ANKRD30B: variants seen among roughly 807,000 people sequenced by gnomAD.
ANKRD30B encodes ankyrin repeat domain 30B.
In ANKRD30B, 144 loss-of-function variants were observed where a neutral mutation model predicts 202.2. That is an observed-to-expected ratio of 0.71 (90% CI 0.62 to 0.82). The LOEUF is 0.82. Ranked by LOEUF, ANKRD30B falls within the 40% of genes least tolerant of loss-of-function variation. The pLI, the probability that ANKRD30B is intolerant of heterozygous loss-of-function variation, is 0.00. For synonymous variants in ANKRD30B, 508 were observed against 561.3 expected (o/e 0.91, Z 1.34); for missense variants, 1,487 against 1,669.1 (o/e 0.89, Z 1.90).
chr18:14,822,434 C>T (rs762257703), intron 30 of ANKRD30B, 49 bp from the exon 31 acceptor site: 5 of 1,049,022 alleles, frequency 4.8e-6, no homozygotes, highest in Non-Finnish European at 5.8e-6. Context: ...GTTTGGTAGA[C>T]TTTGACAGGC....
chr18:14,818,340 A>C (rs1970224688), intron 30 of ANKRD30B, among the ~76,000 whole-genome samples: 1 of 152,090 alleles, frequency 6.6e-6, no homozygotes, highest in Non-Finnish European at 1.5e-5. Flanking sequence ...CTAATTTTTG[A>C]TACTTTCATA....
At chr18:14,885,851 C>A in the ANKRD30B span, among the ~76,000 whole-genome samples, 1 of 151,968 alleles carries the variant, frequency 6.6e-6, no homozygotes, top group South Asian at 2.1e-4. Context: ...TTGAAAGTAT[C>A]TTCTGTTTAC....
chr18:14,902,296 C>T, the ANKRD30B span, among the ~76,000 whole-genome samples: 1 of 152,098 alleles, frequency 6.6e-6, no homozygotes, highest in Non-Finnish European at 1.5e-5. Flanking sequence ...GTAAAGAATA[C>T]CATTTTCTGA....
the ANKRD30B span, among the ~76,000 whole-genome samples, chr18:14,866,309 G>C: frequency 6.6e-6 from 1 of 152,124 alleles, no homozygotes; most frequent in Non-Finnish European, 1.5e-5. Flanking sequence ...CAACAGAGAT[G>C]GCAGTGTGGC....
chr18:14,888,110 G>A, the ANKRD30B span, among the ~76,000 whole-genome samples: 1 of 151,880 alleles, frequency 6.6e-6, no homozygotes, highest in Non-Finnish European at 1.5e-5. Flanking sequence ...TTCTAATCCT[G>A]TACTTTTGTT....
chr18:14,768,392 C>G (rs762106301), intron 7 of ANKRD30B, among the ~76,000 whole-genome samples: 1 of 152,090 alleles, frequency 6.6e-6, no homozygotes, highest in Non-Finnish European at 1.5e-5. Flanking sequence ...TTGGGGCACT[C>G]TAGTACGTTA....
intron 39 of ANKRD30B, among the ~76,000 whole-genome samples, chr18:14,843,553 C>CTGTGTG (rs56044501): frequency 0.11 from 15,424 of 145,168 alleles, 1,015 homozygotes; most frequent in Admixed American, 0.21. Flanking sequence ...AGCTTACTTT[C>CTGTGTG]TGTGTGTGTG....
the ANKRD30B span, among the ~76,000 whole-genome samples, chr18:14,922,491 T>C: frequency 6.6e-6 from 1 of 151,492 alleles, no homozygotes; most frequent in Non-Finnish European, 1.5e-5. Flanking sequence ...CCATCTCTAC[T>C]AAAAATACAA....
In ANKRD30B at chr18:14,786,976, T is replaced by A; in HGVS notation, c.1673-63T>A. Reference sequence around the variant, plus strand: ...TCGTGAATGAAAGTAGACTTGTGTATGTTTTTAAAATTTATAGTAGAGAAA... The same window carrying A: ...TCGTGAATGAAAGTAGACTTGTGTAAGTTTTTAAAATTTATAGTAGAGAAA... On this transcript the variant is annotated intron_variant, in intron 14 of 43. Transcript: ENST00000690538. The A allele has an allele frequency of 2.7e-6, 4 of 1,500,518 alleles. No homozygotes were observed. The South Asian group carries it at 3.6e-5, about 14-fold the overall frequency. The allele number at this position is 1,500,518 out of a possible 1,614,324, so 93.0% of individuals were successfully genotyped here. A position where few individuals can be genotyped will look rare whatever the true frequency, so the allele number is the denominator to read the frequency against.
Position 14,748,541 on chromosome 18 carries a change from A to G in ANKRD30B, c.122A>G (p.Lys41Arg), listed in dbSNP as rs554156558. 1.3e-6 allele frequency: 2 copies of G among 1,554,978 alleles called. No homozygotes were observed. Among genetic ancestry groups the G allele is most frequent in the East Asian group, 2.4e-5 (1 of 41,260 alleles). Residue 41 changes from lysine to arginine, a missense_variant, in exon 1 of 44, where the codon AAG (lysine) becomes AGG (arginine). By Grantham distance (26) the Lys-to-Arg change is conservative. Around this residue, in one of 6 missense-constraint regions of ANKRD30B, gnomAD observed 889 missense variants for 841.4 expected, o/e 1.06. Transcript: ENST00000690538. Reference sequence around the variant, plus strand: ...ACCATCTACTTCGGGGATCTAGGGAAGATCCATACAGCTGCCTCCCGGGGC... The same window carrying G: ...ACCATCTACTTCGGGGATCTAGGGAGGATCCATACAGCTGCCTCCCGGGGC... ...YGTIYFGDLG[K>R]IHTAASRGQV...
chr18:14,916,740 T>C, the ANKRD30B span, among the ~76,000 whole-genome samples: 1 of 152,210 alleles, frequency 6.6e-6, no homozygotes, highest in Admixed American at 6.5e-5. Context: ...AATCAATATG[T>C]AATGTGAAGG....
chr18:14,797,677 T>C lies in ANKRD30B; in HGVS notation c.1944T>C (p.Asp648=). Residue 648 remains aspartate (D), a synonymous_variant, in exon 19 of 44, where the codon GAT becomes GAC. Coordinates refer to ENST00000690538, the MANE Select transcript of ANKRD30B (RefSeq NM_001367607.2). The stretch of plus-strand genomic sequence containing the variant: ...TTCTTTTAGAGTCTCCTGATAAAGA[T>C]GGTCTTCTGAAGGTAATAGCTTTTA... ...ETFKAESPDK[D]GLLKPTCGRK... is the part of the protein sequence containing the mutation. The C allele has an allele frequency of 6.2e-7, 1 of 1,609,048 alleles. No individual in the cohort carries two copies. Among genetic ancestry groups the C allele is most frequent in the Non-Finnish European group, 8.5e-7 (1 of 1,175,662 alleles).
chr18:14,795,873 T>G (rs1456287930), intron 16 of ANKRD30B, among the ~76,000 whole-genome samples: 5 of 150,386 alleles, frequency 3.3e-5, no homozygotes, highest in East Asian at 2.0e-4. Context: ...TTTTTGGCGG[T>G]GGGTCATGAC....
At chr18:14,826,556 G>A (rs1970666584) in intron 32 of ANKRD30B, among the ~76,000 whole-genome samples, 2 of 152,000 alleles carry the variant, frequency 1.3e-5, no homozygotes, top group African/African-American at 4.8e-5. Flanking sequence ...GAGTACACAT[G>A]CCAGCATTTT....
At chr18:14,798,358 C>T (rs935070254) in intron 20 of ANKRD30B, among the ~76,000 whole-genome samples, 20 of 152,178 alleles carry the variant, frequency 1.3e-4, no homozygotes, top group Admixed American at 3.9e-4. Flanking sequence ...AAATACAGTA[C>T]ACAGGGATAA....
chr18:14,873,529 A>C, the ANKRD30B span, among the ~76,000 whole-genome samples: 1 of 149,710 alleles, frequency 6.7e-6, no homozygotes, highest in African/African-American at 2.4e-5. Context: ...CGTTTCAAAA[A>C]AAAAAAAAAA....
intron 41 of ANKRD30B, among the ~76,000 whole-genome samples, chr18:14,851,109 T>C (rs4890750): frequency 0.57 from 87,031 of 151,710 alleles, 25,687 homozygotes; most frequent in African/African-American, 0.72. Context: ...TAAATATATG[T>C]AGCACTAAGG....
At chr18:14,866,333 G>C in the ANKRD30B span, among the ~76,000 whole-genome samples, 2 of 152,148 alleles carry the variant, frequency 1.3e-5, no homozygotes, top group East Asian at 1.9e-4. Flanking sequence ...AGTGTTAGGA[G>C]GGTGGCCTGA....
At chr18:14,880,109 T>A in the ANKRD30B span, among the ~76,000 whole-genome samples, 44,443 of 142,616 alleles carry the variant, frequency 0.31, 1,984 homozygotes, top group East Asian at 0.45. Flanking sequence ...GGCTCGCCAA[T>A]TATCCCAACA....
Sources: allele counts gnomAD v4.1 joint callset (sites outside exome capture counted in the v4.1 genomes callset), GRCh38; gene constraint gnomAD v4.1.1; regional missense constraint gnomAD v4.1.1; transcripts MANE v1.5; gene names NCBI Gene and HGNC (gene_info 2026-07-23, HGNC 2026-07-21).